KIF6: variants seen among roughly 807,000 people sequenced by gnomAD.
KIF6 encodes the protein kinesin family member 6.
KIF6 carries 106 observed loss-of-function variants against 112.7 expected under a neutral mutation model. The observed-to-expected ratio is 0.94, with a 90% confidence interval of 0.80 to 1.11. The LOEUF (loss-of-function observed/expected upper bound fraction) is 1.11, where lower values mean the gene tolerates loss of function less well. Among genes scored for constraint, KIF6 ranks in the 50% least tolerant of loss-of-function variants. The probability of loss-of-function intolerance (pLI) is 0.00; values close to 1 mark genes in which losing one functional copy is unlikely to be tolerated. For missense variants in KIF6, 929 were observed against 964.0 expected, an observed-to-expected ratio of 0.96 and a Z score of 0.48; for synonymous variants, 339 against 339.9, an observed-to-expected ratio of 1.00 and a Z score of 0.03.
chr6:39,604,720 A>C (rs551603640), intron 6 of KIF6, among the ~76,000 whole-genome samples: 1 of 152,290 alleles, frequency 6.6e-6, no homozygotes, highest in South Asian at 2.1e-4. Flanking sequence ...TGGAACATAT[A>C]ATAAGAATGT....
intron 2 of KIF6, among the ~76,000 whole-genome samples, chr6:39,716,785 A>G (rs1789877581): frequency 6.6e-6 from 1 of 152,146 alleles, no homozygotes; most frequent in Non-Finnish European, 1.5e-5. Context: ...CAAACTCAGC[A>G]TATGCTGACT....
chr6:39,419,279 G>T (rs995612259), intron 15 of KIF6, among the ~76,000 whole-genome samples: 1 of 150,928 alleles, frequency 6.6e-6, no homozygotes, highest in East Asian at 2.0e-4. Flanking sequence ...ACTTGAACCT[G>T]GGAGGTGGAG....
chr6:39,658,380 C>T (rs532175761), intron 3 of KIF6, among the ~76,000 whole-genome samples: 21 of 151,726 alleles, frequency 1.4e-4, no homozygotes, highest in African/African-American at 4.4e-4. Flanking sequence ...ACTTTTAGTT[C>T]GGAAAATAAA....
At position 39,337,155 on chromosome 6, in the gene KIF6, T is replaced by TC. The variant is rs1281495138; in HGVS notation, c.2429-608_2429-607insG. Reference sequence around the variant, plus strand: ...TCCTTCCTTCCTTCCTTTCTCTTTCTTTTCTTTCTTTCCTTCCTTCTTTCT... The same window carrying TC: ...TCCTTCCTTCCTTCCTTTCTCTTTCTCTTTCTTTCTTTCCTTCCTTCTTTCT... On this transcript the variant is annotated intron_variant, in intron 22 of 22. Transcript: ENST00000287152. Among the ~76,000 whole-genome samples the TC allele has an allele frequency of 4.0e-3, 215 of 53,680 alleles. 16 individuals carry two copies. Among genetic ancestry groups the TC allele is most frequent in the African/African-American group, 0.029 (196 of 6,774 alleles). The allele number at this position is 53,680 out of a possible 152,430, so 35.2% of individuals were successfully genotyped here.
intron 3 of KIF6, chr6:39,691,858 T>C (rs903903851): frequency 2.0e-5 from 3 of 152,212 alleles, no homozygotes; most frequent in Non-Finnish European, 4.4e-5. Flanking sequence ...CCAGTTCCTG[T>C]AGGACTGAGA....
At chr6:39,591,039 T>C (rs2150673785) in intron 7 of KIF6, among the ~76,000 whole-genome samples, 1 of 152,332 alleles carries the variant, frequency 6.6e-6, no homozygotes, top group Non-Finnish European at 1.5e-5. Context: ...ATTCATAACT[T>C]AGGTGAGAAA....
At chr6:39,526,190 C>T (rs147883921) in intron 13 of KIF6, among the ~76,000 whole-genome samples, 22 of 152,258 alleles carry the variant, frequency 1.4e-4, no homozygotes, top group Non-Finnish European at 2.8e-4. Flanking sequence ...CCAGCTGTCA[C>T]CTTGGACAAT....
chr6:39,395,909 C>A (rs1158571819), intron 15 of KIF6, among the ~76,000 whole-genome samples: 1 of 152,150 alleles, frequency 6.6e-6, no homozygotes, highest in African/African-American at 2.4e-5. Flanking sequence ...AACTTGGATT[C>A]TAACATGAAA....
At chr6:39,568,058 C>T (rs1189684829) in intron 10 of KIF6, among the ~76,000 whole-genome samples, 2 of 152,224 alleles carry the variant, frequency 1.3e-5, no homozygotes, top group African/African-American at 4.8e-5. Flanking sequence ...CAAATATTTA[C>T]TACTGAGAGC....
intron 4 of KIF6, 61 bp from the exon 5 acceptor site, chr6:39,635,019 G>T: frequency 1.1e-6 from 1 of 892,846 alleles, no homozygotes; most frequent in Non-Finnish European, 1.9e-6. Flanking sequence ...CTTAGATGAA[G>T]ATGAACACAT....
chr6:39,586,160 C>T (rs1401934219), intron 8 of KIF6, 101 bp downstream of exon 8: 2 of 1,188,488 alleles, frequency 1.7e-6, no homozygotes, highest in East Asian at 2.3e-5. Context: ...GAAGGCATAC[C>T]CAGCTGAAAA....
At chr6:39,532,483 T>C (rs376630911) in intron 13 of KIF6, among the ~76,000 whole-genome samples, 8 of 152,292 alleles carry the variant, frequency 5.3e-5, no homozygotes, top group South Asian at 4.1e-4. Context: ...CAAAGATGTA[T>C]AGAAAACTAT....
rs1298580908 is a variant in KIF6 at position 39,336,138 on chromosome 6, T to TC, written c.*393dup. On this transcript the variant is annotated 3_prime_UTR_variant, in exon 23 of 23. Transcript: ENST00000287152. ...GGCAAATCGTTAAAAATAAAAATAT[T>TC]CCCCCCACATTCCACTGGTGTGAGC... 1.2e-5 allele frequency: 2 copies of TC among 167,016 alleles called. No individual in the cohort carries two copies. The highest frequency in any genetic ancestry group is 2.6e-5 in the Non-Finnish European group (2 of 78,320). The allele number at this position is 167,016 out of a possible 1,614,324, so 10.3% of individuals were successfully genotyped here. A position where few individuals can be genotyped will look rare whatever the true frequency, so the allele number is the denominator to read the frequency against.
intron 13 of KIF6, among the ~76,000 whole-genome samples, chr6:39,467,824 T>C (rs1220062686): frequency 6.6e-6 from 1 of 152,186 alleles, no homozygotes; most frequent in Non-Finnish European, 1.5e-5. Flanking sequence ...AGGGCATATA[T>C]GCTAGCTTAG....
chr6:39,431,800 T>C (rs1445405297), intron 13 of KIF6, among the ~76,000 whole-genome samples: 1 of 152,150 alleles, frequency 6.6e-6, no homozygotes, highest in African/African-American at 2.4e-5. Context: ...TGCTGGGCGC[T>C]GTTCAGAGTT....
At chr6:39,490,841 C>G (rs1407426875) in intron 13 of KIF6, among the ~76,000 whole-genome samples, 2 of 152,126 alleles carry the variant, frequency 1.3e-5, no homozygotes, top group Non-Finnish European at 2.9e-5. Flanking sequence ...AAACCCCACC[C>G]TGTATAATAA....
intron 13 of KIF6, among the ~76,000 whole-genome samples, chr6:39,434,025 G>C (rs1038478603): frequency 6.6e-6 from 1 of 152,116 alleles, no homozygotes; most frequent in Non-Finnish European, 1.5e-5. Flanking sequence ...TAGAAAACAG[G>C]CTCTTTCTCC....
At chr6:39,418,509 C>G (rs1014270365) in intron 15 of KIF6, among the ~76,000 whole-genome samples, 9 of 152,080 alleles carry the variant, frequency 5.9e-5, no homozygotes, top group African/African-American at 1.9e-4. Flanking sequence ...GTACTGATAG[C>G]ACAAAAGATA....
chr6:39,724,279 C>T (rs1251581056), intron 1 of KIF6, among the ~76,000 whole-genome samples: 4 of 152,024 alleles, frequency 2.6e-5, no homozygotes, highest in East Asian at 1.9e-4. Context: ...GGGTGAAACC[C>T]GGTCTCTTCT....
Sources: allele counts gnomAD v4.1 joint callset (sites outside exome capture counted in the v4.1 genomes callset), GRCh38; gene constraint gnomAD v4.1.1; transcripts MANE v1.5; gene names NCBI Gene and HGNC (gene_info 2026-07-23, HGNC 2026-07-21).